The following DENND4A variants were observed in gnomAD, a reference collection of about 807,000 sequenced individuals.
DENND4A encodes C-myc promoter-binding protein.
Under a neutral mutation model 199.3 loss-of-function variants are expected in DENND4A, and 70 were observed. The ratio of observed to expected loss-of-function variants is 0.35; its 90% CI spans 0.29 to 0.43. The LOEUF (loss-of-function observed/expected upper bound fraction) is 0.43. DENND4A is among the 20% of genes least tolerant of loss of function. The pLI, the probability that DENND4A is intolerant of heterozygous loss-of-function variation, is 1.00. For missense variants in DENND4A, 1,723 were observed against 2,255.8 expected, an observed-to-expected ratio of 0.76 and a Z score of 4.78; for synonymous variants, 686 against 766.9, an observed-to-expected ratio of 0.89 and a Z score of 1.74.
At position 65,718,012 on chromosome 15, in the gene DENND4A, G is replaced by C. The variant is rs1292155201; in HGVS notation, c.1589-16C>G. The stretch of plus-strand genomic sequence containing the variant: ...CTCTGCTGCACTGTGAAGACATACA[G>C]TGTTAGTGTTTTCTCCAAACTCACA... On this transcript the variant is annotated splice_polypyrimidine_tract_variant and intron_variant, in intron 12 of 32. Transcript: ENST00000443035. 6.5e-7 allele frequency: 1 copy of C among 1,543,590 alleles called. No homozygotes were observed. Among genetic ancestry groups the C allele is most frequent in the Non-Finnish European group, 8.8e-7 (1 of 1,140,546 alleles).
chr15:65,765,022 T>C (rs2076946302), intron 1 of DENND4A, among the ~76,000 whole-genome samples: 1 of 151,806 alleles, frequency 6.6e-6, no homozygotes, highest in African/African-American at 2.4e-5. Flanking sequence ...GAATTCACAT[T>C]AGCATTCACA....
chr15:65,778,472 C>T (rs1001490761), intron 1 of DENND4A, among the ~76,000 whole-genome samples: 4 of 140,868 alleles, frequency 2.8e-5, no homozygotes, highest in South Asian at 2.2e-4. Flanking sequence ...AAAAAAAAAG[C>T]GTTCCCCAGT....
intron 14 of DENND4A, among the ~76,000 whole-genome samples, chr15:65,710,007 T>C (rs2075198563): frequency 6.6e-6 from 1 of 152,036 alleles, no homozygotes; most frequent in South Asian, 2.1e-4. Context: ...CTTCTCAGAA[T>C]TCATAATCTT....
At chr15:65,781,432 A>T (rs1021689286) in intron 1 of DENND4A, among the ~76,000 whole-genome samples, 7 of 152,222 alleles carry the variant, frequency 4.6e-5, no homozygotes, top group Non-Finnish European at 1.0e-4. Context: ...CGAAAAAGTA[A>T]GGAAATAGTT....
intron 23 of DENND4A, among the ~76,000 whole-genome samples, chr15:65,685,172 G>A (rs2076723412): frequency 6.6e-6 from 1 of 150,528 alleles, no homozygotes; most frequent in African/African-American, 2.4e-5. Flanking sequence ...TGTCGCCTAG[G>A]CCAGAGTGCA....
chr15:65,666,408 T>C (rs2076039742), intron 29 of DENND4A, among the ~76,000 whole-genome samples: 1 of 152,134 alleles, frequency 6.6e-6, no homozygotes, highest in African/African-American at 2.4e-5. Flanking sequence ...ACAGCGTGGA[T>C]ACACCGAACA....
At chr15:65,669,187 C>T (rs1213741558) in intron 27 of DENND4A, among the ~76,000 whole-genome samples, 1 of 152,130 alleles carries the variant, frequency 6.6e-6, no homozygotes, top group Non-Finnish European at 1.5e-5. Flanking sequence ...CGTTAGCCTG[C>T]CAACACTATA....
At chr15:65,752,310 A>AAT in intron 4 of DENND4A, 69 bp downstream of exon 4, 2 of 540,250 alleles carry the variant, frequency 3.7e-6, no homozygotes, top group Non-Finnish European at 5.2e-6. Context: ...AAAAAAAAAA[A>AAT]AAAGATGTAT....
rs981284582 is a variant in DENND4A at position 65,660,891 on chromosome 15, C to A, written c.*960G>T. Reference sequence around the variant, plus strand: ...TTCTATAGTATAATTTGCATCATACCCAATATTTTAGATATTAAAATAAGG... The same window carrying A: ...TTCTATAGTATAATTTGCATCATACACAATATTTTAGATATTAAAATAAGG... On this transcript the variant is annotated 3_prime_UTR_variant, in exon 33 of 33. Coordinates refer to ENST00000443035, the MANE Select transcript of DENND4A (RefSeq NM_001320835.1). The A allele has an allele frequency of 7.9e-5, 12 of 151,812 alleles. No homozygotes were observed. The highest frequency in any genetic ancestry group is 2.9e-4 in the African/African-American group (12 of 41,302). 9.4% of individuals were successfully genotyped at this position (151,812 alleles called of 1,614,324 possible). A position where few individuals can be genotyped will look rare whatever the true frequency, so the allele number is the denominator to read the frequency against.
chr15:65,706,318 T>C, intron 14 of DENND4A, 94 bp from the exon 15 acceptor site: 1 of 1,206,544 alleles, frequency 8.3e-7, no homozygotes, highest in Non-Finnish European at 1.1e-6. Flanking sequence ...ATCTGCACAA[T>C]GGATACTAAA....
chr15:65,713,907 G>A (rs919507527), intron 14 of DENND4A, among the ~76,000 whole-genome samples: 2 of 152,126 alleles, frequency 1.3e-5, no homozygotes, highest in Admixed American at 1.3e-4. Flanking sequence ...CTTTTGGGGT[G>A]TGGCTGCATC....
chr15:65,742,349 T>C (rs914634768), intron 4 of DENND4A, among the ~76,000 whole-genome samples: 2 of 152,098 alleles, frequency 1.3e-5, no homozygotes, highest in Non-Finnish European at 2.9e-5. Flanking sequence ...AGTGGTGCGA[T>C]CTTGGCTCAC....
chr15:65,672,366 T>C (rs1452830177), intron 24 of DENND4A, among the ~76,000 whole-genome samples: 1 of 152,210 alleles, frequency 6.6e-6, no homozygotes, highest in Non-Finnish European at 1.5e-5. Flanking sequence ...GGCTCATGCC[T>C]GTAATCCTAG....
intron 29 of DENND4A, among the ~76,000 whole-genome samples, chr15:65,666,893 A>G (rs1361067687): frequency 2.0e-5 from 3 of 152,156 alleles, no homozygotes; most frequent in Admixed American, 2.0e-4. Context: ...TTGAAGCAAT[A>G]GCAAAAATTC....
intron 1 of DENND4A, among the ~76,000 whole-genome samples, chr15:65,763,679 C>CAAAAAAAAAAAAAAAAA (rs11357605): frequency 2.3e-5 from 2 of 87,578 alleles, no homozygotes; most frequent in African/African-American, 9.4e-5. Context: ...GACCTTGTCT[C>CAAAAAAAAAAAAAAAAA]AAAAAAAAAA....
chr15:65,771,281 T>C, intron 1 of DENND4A: 1 of 1,584,496 alleles, frequency 6.3e-7, no homozygotes, highest in South Asian at 1.1e-5. Context: ...TTTTGCTGCA[T>C]ACTGCATATC....
intron 29 of DENND4A, 79 bp from the exon 30 acceptor site, chr15:65,665,541 A>AT (rs1209566230): frequency 3.7e-6 from 4 of 1,095,122 alleles, no homozygotes; most frequent in Non-Finnish European, 5.1e-6. Flanking sequence ...TCTTATAAAT[A>AT]TTTTTTAGGA....
intron 1 of DENND4A, among the ~76,000 whole-genome samples, chr15:65,785,491 A>T (rs982934901): frequency 3.1e-5 from 4 of 127,468 alleles, no homozygotes; most frequent in Non-Finnish European, 6.5e-5. Flanking sequence ...TCCTGTCTCT[A>T]AAAAAAAAAA....
At chr15:65,753,764 T>C (rs2076627052) in intron 3 of DENND4A, 1 of 152,116 alleles carries the variant, frequency 6.6e-6, no homozygotes, top group African/African-American at 2.4e-5. Flanking sequence ...TCAATCAATA[T>C]TTCTCATATA....
Sources: allele counts gnomAD v4.1 joint callset (sites outside exome capture counted in the v4.1 genomes callset), GRCh38; gene constraint gnomAD v4.1.1; transcripts MANE v1.5; gene names NCBI Gene and HGNC (gene_info 2026-07-23, HGNC 2026-07-21).